Variants in FHIT observed in about 807,000 individuals in gnomAD.
The protein encoded by FHIT is bis(5'-adenosyl)-triphosphatase.
A neutral mutation model predicts 17.9 loss-of-function variants in FHIT; 19 were observed. The ratio of observed to expected loss-of-function variants is 1.06; its 90% CI spans 0.74 to 1.56. FHIT has a LOEUF of 1.56. Ranked by LOEUF, FHIT falls within the 40% of genes most tolerant of loss-of-function variation. The pLI, the probability that FHIT is intolerant of heterozygous loss-of-function variation, is 0.00. For synonymous variants in FHIT, 81 were observed against 69.7 expected (o/e 1.16, Z -0.81); for missense variants, 248 against 189.2 (o/e 1.31, Z -1.82).
chr3:60,929,586 A>C lies in FHIT; in HGVS notation c.-110-107575T>G, dbSNP rs552332058. On this transcript the variant is annotated intron_variant, in intron 3 of 9. Coordinates refer to ENST00000492590, the MANE Select transcript of FHIT (RefSeq NM_002012.4). ...ACCAATAAAAGACAAACAGAGCGCC[A>C]AATCATGAGTGAACTCCCATTCACA... Among the ~76,000 whole-genome samples the C allele has an allele frequency of 7.9e-5, 12 of 152,298 alleles. No homozygotes were observed. The East Asian group carries it at 2.3e-3, about 29-fold the overall frequency.
At chr3:60,415,216 G>T (rs1702202916) in intron 5 of FHIT, among the ~76,000 whole-genome samples, 1 of 152,084 alleles carries the variant, frequency 6.6e-6, no homozygotes. Context: ...CTATGTGCCA[G>T]GTACTGCTGG....
At chr3:61,031,708 G>A (rs1376678551) in intron 3 of FHIT, among the ~76,000 whole-genome samples, 1 of 152,122 alleles carries the variant, frequency 6.6e-6, no homozygotes, top group African/African-American at 2.4e-5. Flanking sequence ...ATGAACTGTA[G>A]GTCACTGTAG....
intron 8 of FHIT, among the ~76,000 whole-genome samples, chr3:59,921,519 C>T (rs1705403168): frequency 6.6e-6 from 1 of 152,238 alleles, no homozygotes; most frequent in Non-Finnish European, 1.5e-5. Flanking sequence ...TCAATCACAG[C>T]ATTTTTCCTT....
At chr3:59,843,880 A>G (rs1465494742) in intron 8 of FHIT, among the ~76,000 whole-genome samples, 1 of 152,004 alleles carries the variant, frequency 6.6e-6, no homozygotes, top group East Asian at 1.9e-4. Flanking sequence ...TGCAATCCCC[A>G]ATGTTGGAGA....
chr3:61,043,615 C>T (rs917073832), intron 2 of FHIT, among the ~76,000 whole-genome samples: 3 of 152,218 alleles, frequency 2.0e-5, no homozygotes, highest in African/African-American at 7.2e-5. Context: ...TGTCTGACAG[C>T]TTTGAAGAGA....
intron 2 of FHIT, among the ~76,000 whole-genome samples, chr3:61,113,339 T>C (rs1383116597): frequency 2.0e-5 from 3 of 152,170 alleles, no homozygotes; most frequent in Non-Finnish European, 2.9e-5. Context: ...AGCAACTATT[T>C]TGACTTCATT....
chr3:60,349,336 T>G (rs566288318), intron 5 of FHIT, among the ~76,000 whole-genome samples: 11 of 152,138 alleles, frequency 7.2e-5, no homozygotes, highest in African/African-American at 2.2e-4. Flanking sequence ...TCAAGCTGTT[T>G]ACGGATTTTG....
chr3:60,145,165 T>C (rs915071899), intron 5 of FHIT, among the ~76,000 whole-genome samples: 7 of 151,842 alleles, frequency 4.6e-5, no homozygotes, highest in African/African-American at 1.7e-4. Context: ...TTTTTTTTTG[T>C]CCTTTGAATT....
At chr3:60,003,269 C>T (rs1300620339) in intron 7 of FHIT, among the ~76,000 whole-genome samples, 2 of 152,128 alleles carry the variant, frequency 1.3e-5, no homozygotes, top group Admixed American at 6.6e-5. Flanking sequence ...TCCTTCTAAG[C>T]CATATATAGA....
chr3:60,027,118 C>CAG (rs1364865438), intron 5 of FHIT, among the ~76,000 whole-genome samples: 3 of 123,578 alleles, frequency 2.4e-5, no homozygotes, highest in African/African-American at 1.0e-4. Context: ...GACACACACA[C>CAG]ACACACACAC....
intron 4 of FHIT, among the ~76,000 whole-genome samples, chr3:60,599,273 G>A (rs1340087982): frequency 1.3e-5 from 2 of 152,104 alleles, no homozygotes; most frequent in African/African-American, 4.8e-5. Context: ...AAATATACCT[G>A]CTGTTGAAAC....
chr3:60,500,055 TTAAA>T (rs2034461465), intron 5 of FHIT, among the ~76,000 whole-genome samples: 1 of 152,238 alleles, frequency 6.6e-6, no homozygotes, highest in Admixed American at 6.5e-5. Flanking sequence ...CAGAAACTAA[TTAAA>T]TGATAAATTT....
intron 5 of FHIT, among the ~76,000 whole-genome samples, chr3:60,380,774 A>C (rs1212807945): frequency 1.3e-5 from 2 of 152,218 alleles, no homozygotes; most frequent in Non-Finnish European, 2.9e-5. Context: ...TTGACCCGGT[A>C]AGGCAAAGAT....
At chr3:60,363,640 G>A (rs1230490236) in intron 5 of FHIT, among the ~76,000 whole-genome samples, 2 of 152,208 alleles carry the variant, frequency 1.3e-5, no homozygotes, top group East Asian at 1.9e-4. Flanking sequence ...TTTTAATGGT[G>A]TCACTGTAAA....
chr3:60,890,914 C>T (rs1375571674), intron 3 of FHIT, among the ~76,000 whole-genome samples: 1 of 152,158 alleles, frequency 6.6e-6, no homozygotes, highest in African/African-American at 2.4e-5. Flanking sequence ...TGATGACATC[C>T]CCAGTGGGTA....
chr3:60,799,184 T>G (rs992563156), intron 4 of FHIT, among the ~76,000 whole-genome samples: 9 of 152,106 alleles, frequency 5.9e-5, no homozygotes, highest in Non-Finnish European at 1.0e-4. Context: ...ATTAGTATTA[T>G]TATTTTTGAG....
chr3:60,900,202 T>C (rs1706044015), intron 3 of FHIT, among the ~76,000 whole-genome samples: 1 of 152,060 alleles, frequency 6.6e-6, no homozygotes, highest in Non-Finnish European at 1.5e-5. Context: ...AGAGGCAGAG[T>C]AATGGGGATT....
chr3:60,464,456 T>C (rs934234606), intron 5 of FHIT, among the ~76,000 whole-genome samples: 2 of 152,148 alleles, frequency 1.3e-5, no homozygotes, highest in African/African-American at 4.8e-5. Flanking sequence ...TACTAGATCT[T>C]ATACATCATA....
chr3:59,823,164 A>G (rs1400851732), intron 8 of FHIT, among the ~76,000 whole-genome samples: 3 of 152,010 alleles, frequency 2.0e-5, no homozygotes, highest in Admixed American at 1.3e-4. Flanking sequence ...CTATGTGCCT[A>G]TTTTTAACCA....
Sources: gnomAD v4.1 joint callset for allele counts (sites outside exome capture counted in the v4.1 genomes callset) on GRCh38, gnomAD v4.1.1 for gene constraint, MANE v1.5 for transcripts, NCBI Gene and HGNC (gene_info 2026-07-23, HGNC 2026-07-21) for gene names.